Variants in WWP1 observed in about 807,000 individuals in gnomAD.
WWP1 encodes the protein WW domain containing E3 ubiquitin protein ligase 1.
WWP1 carries 49 observed loss-of-function variants against 130.6 expected under a neutral mutation model. The ratio of observed to expected loss-of-function variants is 0.38; its 90% CI spans 0.30 to 0.48. The LOEUF (loss-of-function observed/expected upper bound fraction) is 0.48. WWP1 is among the 20% of genes least tolerant of loss of function. The pLI is 0.99. For synonymous variants in WWP1, 332 were observed against 367.8 expected, an observed-to-expected ratio of 0.90 and a Z score of 1.11; for missense variants, 809 against 1,100.6, an observed-to-expected ratio of 0.74 and a Z score of 3.75.
At chr8:86,444,060 T>C (rs1467902619) in intron 18 of WWP1, among the ~76,000 whole-genome samples, 1 of 152,196 alleles carries the variant, frequency 6.6e-6, no homozygotes, top group African/African-American at 2.4e-5. Flanking sequence ...ATTGGGGGCA[T>C]AGGAAAACAT....
chr8:86,381,589 G>A lies in WWP1; in HGVS notation c.294G>A (p.Thr98=), dbSNP rs1489388190. 1.9e-6 allele frequency: 3 copies of A among 1,608,712 alleles called. No homozygotes were observed. The highest frequency in any genetic ancestry group is 2.5e-6 in the Non-Finnish European group (3 of 1,178,816). The change falls in exon 5 of 25, where the codon ACG becomes ACA. Residue 98 remains threonine (T), a synonymous_variant. Transcript: ENST00000517970. ...LKADALLGKA[T]IDLKQALLIH... ...CAGATGCTTTATTAGGAAAAGCAAC[G>A]ATAGATTTGAAACAAGCTCTGTTGA...
At chr8:86,462,437 A>T (rs1166648074) in intron 24 of WWP1, among the ~76,000 whole-genome samples, 1 of 152,262 alleles carries the variant, frequency 6.6e-6, no homozygotes, top group Admixed American at 6.5e-5. Flanking sequence ...TTGGTAAATC[A>T]GAAGAAAGGG....
At chr8:86,391,477 CTCAG>C (rs1807334108) in intron 5 of WWP1, among the ~76,000 whole-genome samples, 1 of 151,856 alleles carries the variant, frequency 6.6e-6, no homozygotes, top group Non-Finnish European at 1.5e-5. Context: ...GTATGTTTCA[CTCAG>C]TCAGCCTCAC....
chr8:86,397,736 TCTA>T (rs1380365209), intron 5 of WWP1, among the ~76,000 whole-genome samples: 4 of 152,196 alleles, frequency 2.6e-5, no homozygotes, highest in African/African-American at 9.6e-5. Context: ...AACTAGATGT[TCTA>T]ATAATGGGAA....
rs1265541742 is a variant in WWP1, at chr8:86,448,520, T to G, written c.2273+7T>G. 6.2e-7 allele frequency: 1 copy of G among 1,609,616 alleles called. No homozygotes were observed. The highest frequency in any genetic ancestry group is 8.5e-7 in the Non-Finnish European group (1 of 1,178,464). On this transcript the variant is annotated splice_region_variant and intron_variant, in intron 20 of 24. Coordinates refer to ENST00000517970, the MANE Select transcript of WWP1 (RefSeq NM_007013.4). ...ACAAAGATGAATATATTGGGTAAGG[T>G]GATATACCTTATTAAGCTTAATTTC...
chr8:86,385,135 A>G (rs1825204673), intron 5 of WWP1, among the ~76,000 whole-genome samples: 1 of 152,130 alleles, frequency 6.6e-6, no homozygotes, highest in Non-Finnish European at 1.5e-5. Context: ...TTTTGTTCCT[A>G]TCCTTAAATT....
intron 8 of WWP1, among the ~76,000 whole-genome samples, chr8:86,408,133 G>A (rs1808383718): frequency 6.6e-6 from 1 of 152,088 alleles, no homozygotes; most frequent in East Asian, 1.9e-4. Flanking sequence ...CTACATAGTT[G>A]GAGTCCTACA....
intron 18 of WWP1, among the ~76,000 whole-genome samples, chr8:86,443,576 C>A (rs931603015): frequency 1.3e-5 from 2 of 152,144 alleles, no homozygotes; most frequent in African/African-American, 4.8e-5. Flanking sequence ...TAATGCCAAG[C>A]ACTGTTTTAG....
Position 86,411,710 on chromosome 8 carries a change from C to T in WWP1, c.897C>T (p.Thr299=), listed in dbSNP as rs774613912. The T allele has an allele frequency of 1.2e-6, 2 of 1,614,116 alleles. No individual in the cohort carries two copies. Among genetic ancestry groups the T allele is most frequent in the South Asian group, 1.1e-5 (1 of 91,084 alleles). ...AAAACAATGAATGTATTCCTTCTAC[C>T]AGTGCAGAATTGGAATCTGAAGCTA... ...SSENNECIPS[T]SAELESEARS... Residue 299 remains threonine (T), a synonymous_variant, in exon 9 of 25, where the codon ACC becomes ACT. Transcript: ENST00000517970.
chr8:86,413,662 A>C (rs945347527), intron 9 of WWP1, among the ~76,000 whole-genome samples: 2 of 152,230 alleles, frequency 1.3e-5, no homozygotes, highest in Admixed American at 6.5e-5. Flanking sequence ...GCACCCATGA[A>C]AATGAGTATG....
intron 5 of WWP1, among the ~76,000 whole-genome samples, chr8:86,390,035 G>C (rs558104627): frequency 1.3e-5 from 2 of 151,442 alleles, no homozygotes; most frequent in Non-Finnish European, 2.9e-5. Flanking sequence ...GTCTGGCAGA[G>C]ACACTCCTCA....
At chr8:86,346,649 A>G (rs1822601418) in intron 1 of WWP1, among the ~76,000 whole-genome samples, 1 of 152,180 alleles carries the variant, frequency 6.6e-6, no homozygotes, top group Non-Finnish European at 1.5e-5. Context: ...GTAATAGGTA[A>G]TCATAGCATG....
intron 24 of WWP1, among the ~76,000 whole-genome samples, chr8:86,464,793 A>G (rs1016188887): frequency 6.6e-6 from 1 of 152,158 alleles, no homozygotes; most frequent in African/African-American, 2.4e-5. Context: ...GATTATAGGC[A>G]TGAGCCACTG....
intron 9 of WWP1, among the ~76,000 whole-genome samples, chr8:86,418,853 T>C (rs919491063): frequency 1.3e-5 from 2 of 152,154 alleles, no homozygotes; most frequent in Non-Finnish European, 2.9e-5. Flanking sequence ...TCCCAGAATA[T>C]TGACAACCAG....
chr8:86,368,495 C>G (rs959566705), intron 1 of WWP1, among the ~76,000 whole-genome samples: 9 of 152,100 alleles, frequency 5.9e-5, no homozygotes, highest in Admixed American at 1.3e-4. Context: ...TGCCAATGCT[C>G]TAGTTCAGAT....
At chr8:86,421,338 T>C (rs1809188887) in intron 9 of WWP1, among the ~76,000 whole-genome samples, 1 of 152,210 alleles carries the variant, frequency 6.6e-6, no homozygotes, top group Non-Finnish European at 1.5e-5. Context: ...AGATGCAGGC[T>C]AAACAATTTT....
intron 9 of WWP1, among the ~76,000 whole-genome samples, chr8:86,415,363 A>G (rs536114344): frequency 5.6e-4 from 85 of 152,268 alleles, no homozygotes; most frequent in African/African-American, 1.9e-3. Context: ...ACTTCCCACT[A>G]GATTTTACAA....
chr8:86,376,942 A>G (rs1434929697), intron 3 of WWP1, among the ~76,000 whole-genome samples: 4 of 152,222 alleles, frequency 2.6e-5, no homozygotes, highest in Non-Finnish European at 2.9e-5. Flanking sequence ...TAACTTCTGC[A>G]ATAAAGATTA....
At chr8:86,445,976 C>CTTTT (rs56731329) in intron 18 of WWP1, among the ~76,000 whole-genome samples, 67 of 84,972 alleles carry the variant, frequency 7.9e-4, no homozygotes, top group Non-Finnish European at 9.4e-4. Flanking sequence ...CTTTTCTTTT[C>CTTTT]TTTTTTTTTT....
Sources: gnomAD v4.1 joint callset for allele counts (sites outside exome capture counted in the v4.1 genomes callset) on GRCh38, gnomAD v4.1.1 for gene constraint, MANE v1.5 for transcripts, NCBI Gene and HGNC (gene_info 2026-07-23, HGNC 2026-07-21) for gene names.